CLUAP1: variants seen among roughly 807,000 people sequenced by gnomAD.
CLUAP1 encodes intraflagellar transport 38.
In CLUAP1, 50 loss-of-function variants were observed where a neutral mutation model predicts 55.0. The ratio of observed to expected loss-of-function variants is 0.91; its 90% CI spans 0.72 to 1.15. The LOEUF (loss-of-function observed/expected upper bound fraction) is 1.15, where lower values mean the gene tolerates loss of function less well. Ranked by LOEUF, CLUAP1 falls within the 50% of genes most tolerant of loss-of-function variation. The probability of loss-of-function intolerance (pLI) is 0.00; values close to 1 mark genes in which losing one functional copy is unlikely to be tolerated. For missense variants in CLUAP1, 530 were observed against 507.6 expected (o/e 1.04, Z -0.42); for synonymous variants, 195 against 175.4 (o/e 1.11, Z -0.88).
rs1179677515 is a variant in CLUAP1 at position 3,530,764 on chromosome 16, G to A, written c.1036+89G>A. On this transcript the variant is annotated intron_variant, in intron 10 of 11. Coordinates refer to ENST00000576634, the MANE Select transcript of CLUAP1 (RefSeq NM_015041.3). ...ACTGGGGCAGGCTGCTTAGTATTGA[G>A]GCCCACAAGCGTGCTGCGAATGGCC... 6.2e-6 allele frequency: 6 copies of A among 964,450 alleles called. No individual in the cohort carries two copies. In the African/African-American group the frequency reaches 6.5e-5, roughly 11 times the overall value. The allele number at this position is 964,450 out of a possible 1,614,324, so 59.7% of individuals were successfully genotyped here.
chr16:3,529,813 TTATAATATAATA>T (rs1230554873), intron 9 of CLUAP1, among the ~76,000 whole-genome samples: 2 of 36,672 alleles, frequency 5.5e-5, no homozygotes, highest in African/African-American at 2.4e-4. Flanking sequence ...TATATATATA[TTATAATATAATA>T]TATTATATAA....
chr16:3,529,740 T>TA lies in CLUAP1; in HGVS notation c.929-827dup, dbSNP rs1201463670. 1.8e-3 allele frequency among the ~76,000 whole-genome samples: 44 copies of TA among 24,790 alleles called. 2 individuals are homozygous for TA. The highest frequency in any genetic ancestry group is 7.0e-3 in the African/African-American group (34 of 4,878). 16.3% of individuals were successfully genotyped at this position (24,790 alleles called of 152,430 possible). ...ATATTATATATTATATATATTATTA[T>TA]ATATTATATATTATATAATATATAT... is the stretch of plus-strand genomic sequence containing the variant. On this transcript the variant is annotated intron_variant, in intron 9 of 11. Transcript: ENST00000576634.
Position 3,501,052 on chromosome 16 carries a change from TG to T in CLUAP1, c.-12del. ...GCGAGCAGTTGCGACCCTGGGCTCC[TG>T]GGGACCTGAGCGTTATGTCTTTCCG... On this transcript the variant is annotated 5_prime_UTR_variant, in exon 1 of 12. Transcript: ENST00000576634. 2 of 1,599,378 alleles carry T rather than the reference TG, an allele frequency of 1.3e-6. No individual in the cohort carries two copies. Among genetic ancestry groups the T allele is most frequent in the East Asian group, 2.2e-5 (1 of 44,468 alleles).
upstream of CLUAP1, among the ~76,000 whole-genome samples, chr16:3,499,123 C>G (rs980399842): frequency 2.6e-5 from 4 of 152,256 alleles, no homozygotes; most frequent in Admixed American, 1.3e-4. Flanking sequence ...CTTTAATCAT[C>G]AGGGAAATGC....
chr16:3,509,275 G>C (rs1240294090), intron 4 of CLUAP1, among the ~76,000 whole-genome samples: 2 of 152,144 alleles, frequency 1.3e-5, no homozygotes, highest in Non-Finnish European at 2.9e-5. Context: ...TGTGTTTTGT[G>C]TGTTTGAGGA....
Position 3,519,961 on chromosome 16 carries a change from T to C in CLUAP1, c.638T>C (p.Leu213Ser), listed in dbSNP as rs1306840093. 1 of 1,613,680 alleles carries C rather than the reference T, an allele frequency of 6.2e-7. No individual in the cohort carries two copies. Among genetic ancestry groups the C allele is most frequent in the Non-Finnish European group, 8.5e-7 (1 of 1,179,904 alleles). The change falls in exon 7 of 12, where the codon TTA (leucine) becomes TCA (serine). Residue 213 changes from leucine (L) to serine (S), a missense_variant. Coordinates refer to ENST00000576634, the MANE Select transcript of CLUAP1 (RefSeq NM_015041.3). ...LNNVASDEAN[L>S]EAKIEKRKLE... The stretch of plus-strand genomic sequence containing the variant: ...AATGTGGCCTCTGATGAAGCTAATT[T>C]AGAAGCCAAAATCGAAAAGAGAAAA...
At chr16:3,504,932 T>C (rs2037474110) in intron 2 of CLUAP1, 101 bp downstream of exon 2, 1 of 770,088 alleles carries the variant, frequency 1.3e-6, no homozygotes, top group South Asian at 1.5e-5. Context: ...AAAGGGAAAG[T>C]TTTTGGAATT....
chr16:3,498,087 A>ATTT (rs2037332138), upstream of CLUAP1, among the ~76,000 whole-genome samples: 2 of 152,086 alleles, frequency 1.3e-5, no homozygotes, highest in Non-Finnish European at 2.9e-5. Context: ...AAGCATGAGA[A>ATTT]TCTGGGTAGG....
At position 3,524,990 on chromosome 16, in the gene CLUAP1, G is replaced by A. The variant is rs116013613; in HGVS notation, c.856-1422G>A. Among the ~76,000 whole-genome samples the A allele has an allele frequency of 1.9e-3, 290 of 152,268 alleles. 1 individual carries two copies. Among genetic ancestry groups the A allele is most frequent in the African/African-American group, 6.0e-3 (248 of 41,524 alleles). ...TGACAGCTTTTGGTATTAAGGTTATGCTAGGCTTCTTACAATACTGAGCAT... is the reference window on the plus strand; with the variant it reads ...TGACAGCTTTTGGTATTAAGGTTATACTAGGCTTCTTACAATACTGAGCAT... On this transcript the variant is annotated intron_variant, in intron 8 of 11. Transcript: ENST00000576634.
chr16:3,520,852 C>G (rs1265456547), intron 7 of CLUAP1, among the ~76,000 whole-genome samples: 1 of 152,146 alleles, frequency 6.6e-6, no homozygotes, highest in Admixed American at 6.5e-5. Flanking sequence ...TGCCGGCTCT[C>G]TCTCTCTTCT....
chr16:3,503,276 G>A (rs1170583906), intron 1 of CLUAP1, among the ~76,000 whole-genome samples: 1 of 152,046 alleles, frequency 6.6e-6, no homozygotes, highest in East Asian at 1.9e-4. Flanking sequence ...CCATTCTCCT[G>A]CCTCAGCCTC....
intron 4 of CLUAP1, among the ~76,000 whole-genome samples, chr16:3,510,295 T>C (rs1053974295): frequency 1.3e-5 from 2 of 150,068 alleles, no homozygotes; most frequent in African/African-American, 2.5e-5. Flanking sequence ...CACCCGGCTT[T>C]GTATTTTTTT....
chr16:3,531,530 A>G (rs1459957480), intron 10 of CLUAP1, among the ~76,000 whole-genome samples: 1 of 152,074 alleles, frequency 6.6e-6, no homozygotes, highest in Non-Finnish European at 1.5e-5. Context: ...TCAAAAAAAA[A>G]AAAAGAGTTA....
intron 10 of CLUAP1, among the ~76,000 whole-genome samples, chr16:3,532,453 C>T (rs1375139426): frequency 1.9e-5 from 2 of 103,930 alleles, no homozygotes; most frequent in Non-Finnish European, 3.5e-5. Flanking sequence ...CTCATTCTGT[C>T]GTTCACGCTA....
At chr16:3,496,241 G>A (rs748370746), upstream of CLUAP1, 1 of 639,406 alleles carries the variant, frequency 1.6e-6, no homozygotes, top group Non-Finnish European at 3.0e-6. Flanking sequence ...CTAAAGGTTC[G>A]GCGCAAAGAG....
At chr16:3,512,101 A>C (rs2037638363) in intron 4 of CLUAP1, among the ~76,000 whole-genome samples, 1 of 151,508 alleles carries the variant, frequency 6.6e-6, no homozygotes, top group African/African-American at 2.4e-5. Context: ...CAGGAAAATT[A>C]CTTGAACCTG....
chr16:3,520,845 C>T lies in CLUAP1; in HGVS notation c.713+809C>T, dbSNP rs143072145. On this transcript the variant is annotated intron_variant, in intron 7 of 11. Transcript: ENST00000576634. ...GAATACCGATGGAGAATAGTGGTGC[C>T]GGCTCTCTCTCTCTTCTCTTCCTCG... Among the ~76,000 whole-genome samples, 12 of 152,136 alleles carry T rather than the reference C, an allele frequency of 7.9e-5. No homozygotes were observed. The East Asian group carries it at 2.1e-3, about 27-fold the overall frequency.
intron 6 of CLUAP1, among the ~76,000 whole-genome samples, chr16:3,517,702 A>ACAT (rs2037754776): frequency 6.6e-6 from 1 of 152,218 alleles, no homozygotes; most frequent in African/African-American, 2.4e-5. Context: ...ATCAAAGTGA[A>ACAT]CATCATCGTT....
intron 11 of CLUAP1, chr16:3,534,375 C>G (rs555398050): frequency 6.5e-6 from 1 of 152,988 alleles, no homozygotes; most frequent in East Asian, 1.9e-4. Flanking sequence ...CTCCTCGCAT[C>G]GAGGAGCAGA....
Sources: allele counts gnomAD v4.1 joint callset (sites outside exome capture counted in the v4.1 genomes callset), GRCh38; gene constraint gnomAD v4.1.1; transcripts MANE v1.5; gene names NCBI Gene and HGNC (gene_info 2026-07-23, HGNC 2026-07-21).